The following YJEFN3 variants were observed in gnomAD, a reference collection of about 807,000 sequenced individuals.
The protein encoded by YJEFN3 is YjeF N-terminal domain containing 3.
In YJEFN3, 29 loss-of-function variants were observed where a neutral mutation model predicts 31.5. The observed-to-expected ratio is 0.92, with a 90% CI of 0.69 to 1.26. The LOEUF (loss-of-function observed/expected upper bound fraction) is 1.26, where lower values mean the gene tolerates loss of function less well. Ranked by LOEUF, YJEFN3 falls within the 50% of genes most tolerant of loss-of-function variation. YJEFN3 has a pLI of 0.00. For missense variants in YJEFN3, 442 were observed against 425.4 expected, an observed-to-expected ratio of 1.04 and a Z score of -0.34; for synonymous variants, 227 against 196.1, an observed-to-expected ratio of 1.16 and a Z score of -1.32.
Position 19,537,532 on chromosome 19 carries a change from C to T in YJEFN3, c.*8C>T. Reference sequence around the variant, plus strand: ...TGCGTCGCGGCACTGTGACCGCCACCCGCGGCCACACCGCAGGGACCCTCG... The same window carrying T: ...TGCGTCGCGGCACTGTGACCGCCACTCGCGGCCACACCGCAGGGACCCTCG... On this transcript the variant is annotated 3_prime_UTR_variant, in exon 7 of 7. Coordinates refer to ENST00000514277, the MANE Select transcript of YJEFN3 (RefSeq NM_198537.4). 1 of 1,545,362 alleles carries T rather than the reference C, an allele frequency of 6.5e-7. No individual in the cohort carries two copies. Among genetic ancestry groups the T allele is most frequent in the African/African-American group, 1.4e-5 (1 of 73,790 alleles).
intron 6 of YJEFN3, among the ~76,000 whole-genome samples, chr19:19,536,717 A>G (rs533098868): frequency 2.3e-4 from 34 of 150,740 alleles, no homozygotes; most frequent in Non-Finnish European, 5.0e-4. Context: ...CACACCCATA[A>G]TCCTAGCACT....
chr19:19,533,143 C>T, intron 3 of YJEFN3: 15 of 1,009,558 alleles, frequency 1.5e-5, no homozygotes, highest in Non-Finnish European at 1.7e-5. Context: ...GGGGCCTGCC[C>T]TGGGTCAGAG....
chr19:19,536,043 T>C (rs2144668657), intron 6 of YJEFN3: 2 of 521,750 alleles, frequency 3.8e-6, no homozygotes, highest in East Asian at 3.4e-5. Context: ...AAACAGCCGC[T>C]GGCCAGCCGG....
In YJEFN3 at chr19:19,535,528, G is replaced by C. The variant is rs780257831; in HGVS notation, c.544-1G>C. ...ACCCTGACCCTGCCTGCCTTCCCCA[G>C]GTGCAGCTCATTAACGAAGCCTATG... is the stretch of plus-strand genomic sequence containing the variant. On this transcript the variant is annotated splice_acceptor_variant, in intron 5 of 6. Transcript: ENST00000514277. LOFTEE classifies it high-confidence loss of function. 18 of 1,605,218 alleles carry C rather than the reference G, an allele frequency of 1.1e-5. No individual in the cohort carries two copies. The Admixed American group carries it at 1.2e-4, about 11-fold the overall frequency.
At chr19:19,532,066 C>G (rs1345018803) in intron 2 of YJEFN3, among the ~76,000 whole-genome samples, 1 of 152,166 alleles carries the variant, frequency 6.6e-6, no homozygotes, top group East Asian at 1.9e-4. Context: ...AATTATGTCA[C>G]TGCCCCTGAA....
At chr19:19,532,880 G>A (rs1297544531) in intron 3 of YJEFN3, 140 bp downstream of exon 3, 2 of 1,087,766 alleles carry the variant, frequency 1.8e-6, no homozygotes, top group Non-Finnish European at 1.3e-6. Flanking sequence ...TGGGTAAACT[G>A]AGGCCCAGAG....
chr19:19,534,043 C>G lies in YJEFN3; in HGVS notation c.319-991C>G, dbSNP rs865782604. ...AGTACAGCTGGGGCTCAAGAGACAC[C>G]CAGAGTGCCTGTCAGGCGGTGGCAC... On this transcript the variant is annotated intron_variant, in intron 3 of 6. Transcript: ENST00000514277. This position sits in a 1 kb window ranked among gnomAD's most constrained non-coding sequence, Gnocchi z 4.6. The G allele has an allele frequency of 1.0e-6, 1 of 985,416 alleles. No individual in the cohort carries two copies. The highest frequency in any genetic ancestry group is 1.2e-6 in the Non-Finnish European group (1 of 830,046). The allele number at this position is 985,416 out of a possible 1,614,324, so 61.0% of individuals were successfully genotyped here.
intron 2 of YJEFN3, among the ~76,000 whole-genome samples, chr19:19,531,549 G>A (rs561762356): frequency 7.2e-5 from 11 of 151,910 alleles, no homozygotes; most frequent in Middle Eastern, 3.4e-3. Context: ...CTGGGTCACC[G>A]GGATTACAGG....
rs774399603 is a variant in YJEFN3 at position 19,534,324 on chromosome 19, A to C, written c.319-710A>C. On this transcript the variant is annotated intron_variant, in intron 3 of 6. Transcript: ENST00000514277. The surrounding 1 kb of genome is among the most constrained non-coding windows in gnomAD (Gnocchi z 4.6). The stretch of plus-strand genomic sequence containing the variant: ...AGAGACACTAGAGTCTGAGAGATAC[A>C]GACAGACACAGAGACAGCCAGAGAC... 60 of 290,560 alleles carry C rather than the reference A, an allele frequency of 2.1e-4. No homozygotes were observed. Among genetic ancestry groups the C allele is most frequent in the Non-Finnish European group, 3.0e-4 (58 of 194,486 alleles). 18.0% of individuals were successfully genotyped at this position (290,560 alleles called of 1,614,324 possible).
intron 3 of YJEFN3, chr19:19,533,015 C>G (rs1047866549): frequency 5.7e-6 from 7 of 1,223,068 alleles, no homozygotes; most frequent in African/African-American, 1.6e-5. Flanking sequence ...GCACATGTGA[C>G]CCGCCTGCTT....
intron 3 of YJEFN3, 44 bp downstream of exon 3, chr19:19,532,784 C>T (rs2144660924): frequency 6.9e-7 from 1 of 1,445,536 alleles, no homozygotes; most frequent in East Asian, 2.5e-5. Context: ...ACCAGACGGC[C>T]AACTCTCCTG....
chr19:19,535,286 G>T (rs764125959), intron 4 of YJEFN3, 51 bp from the exon 5 acceptor site: 2 of 1,576,904 alleles, frequency 1.3e-6, no homozygotes, highest in Non-Finnish European at 1.7e-6. Context: ...GCAGGGTCTG[G>T]TGCTGGTGAC....
At position 19,532,741 on chromosome 19, in the gene YJEFN3, G is replaced by GGC. The variant is rs757191060; in HGVS notation, c.318+1_318+2insGC. Reference sequence around the variant, plus strand: ...TGCTAGTGCCGTGGCTGTGACCAAGGTACCTGACCCCTGACCCCCAACCCT... The same window carrying GGC: ...TGCTAGTGCCGTGGCTGTGACCAAGGGCTACCTGACCCCTGACCCCCAACCCT... On this transcript the variant is annotated splice_donor_variant, in intron 3 of 6. Coordinates refer to ENST00000514277, the MANE Select transcript of YJEFN3 (RefSeq NM_198537.4). LOFTEE classifies it high-confidence loss of function. The GGC allele has an allele frequency of 1.3e-6, 2 of 1,560,722 alleles. No homozygotes were observed. Among genetic ancestry groups the GGC allele is most frequent in the African/African-American group, 2.7e-5 (2 of 73,590 alleles).
intron 2 of YJEFN3, among the ~76,000 whole-genome samples, chr19:19,532,415 G>A (rs1325350015): frequency 6.6e-6 from 1 of 152,250 alleles, no homozygotes; most frequent in East Asian, 1.9e-4. Context: ...CTCGGGCTTT[G>A]GCTCCCACAC....
Position 19,534,837 on chromosome 19 carries a change from G to T in YJEFN3, c.319-197G>T. 1 of 423,618 alleles carries T rather than the reference G, an allele frequency of 2.4e-6. No homozygotes were observed. The highest frequency in any genetic ancestry group is 4.1e-6 in the Non-Finnish European group (1 of 241,060). The allele number at this position is 423,618 out of a possible 1,614,324, so 26.2% of individuals were successfully genotyped here. A position where few individuals can be genotyped will look rare whatever the true frequency, so the allele number is the denominator to read the frequency against. ...CACCGACCTGGCAGAGCCTGAGACC[G>T]GGCCTCTGCATCTCCAGCGGGGAAA... On this transcript the variant is annotated intron_variant, in intron 3 of 6. Transcript: ENST00000514277. This position sits in a 1 kb window ranked among gnomAD's most constrained non-coding sequence, Gnocchi z 4.6.
At chr19:19,531,732 T>C in intron 2 of YJEFN3, among the ~76,000 whole-genome samples, 1 of 132,532 alleles carries the variant, frequency 7.5e-6, no homozygotes, top group East Asian at 2.1e-4. Flanking sequence ...TTTTTTTTTT[T>C]TTTTTTTTTT....
At chr19:19,535,893 C>A in intron 6 of YJEFN3, 1 of 672,992 alleles carries the variant, frequency 1.5e-6, no homozygotes, top group Admixed American at 2.4e-5. Flanking sequence ...TTTCCTCCAC[C>A]CCAGTGCCCA....
At chr19:19,531,518 T>A (rs1277464989) in intron 2 of YJEFN3, among the ~76,000 whole-genome samples, 1 of 151,712 alleles carries the variant, frequency 6.6e-6, no homozygotes, top group Non-Finnish European at 1.5e-5. Flanking sequence ...CAGATTGAAG[T>A]GATCCTCCTG....
rs545322147 is a variant in YJEFN3 at position 19,535,071 on chromosome 19, C to A, written c.356C>A (p.Thr119Lys). Reference sequence around the variant, plus strand: ...CCCGCTCTCTCCCGGAAGCAGAGGACGGTGCTGGTCGTGTGTGGCCCGGAG... The same window carrying A: ...CCCGCTCTCTCCCGGAAGCAGAGGAAGGTGCTGGTCGTGTGTGGCCCGGAG... Reference protein sequence around the residue: ...PLPALSRKQRTVLVVCGPEQN... With the variant: ...PLPALSRKQRKVLVVCGPEQN... The change falls in exon 4 of 7, where the codon ACG (threonine) becomes AAG (lysine). Residue 119 changes from threonine (T) to lysine (K), a missense_variant. Physicochemically the swap from Thr to Lys is moderately conservative, Grantham distance 78. Transcript: ENST00000514277. The A allele has an allele frequency of 6.2e-7, 1 of 1,610,928 alleles. No individual in the cohort carries two copies. The highest frequency in any genetic ancestry group is 8.5e-7 in the Non-Finnish European group (1 of 1,178,524).
Sources: allele counts gnomAD v4.1 joint callset (sites outside exome capture counted in the v4.1 genomes callset), GRCh38; gene constraint gnomAD v4.1.1; non-coding constraint Gnocchi (gnomAD v3.1); transcripts MANE v1.5; gene names NCBI Gene and HGNC (gene_info 2026-07-23, HGNC 2026-07-21).